Variants in NFU1 observed in about 807,000 individuals in gnomAD.
NFU1 encodes NFU1 iron-sulfur cluster scaffold homolog, mitochondrial.
NFU1 carries 30 observed loss-of-function variants against 32.2 expected under a neutral mutation model. That is an observed-to-expected ratio of 0.93 (90% CI 0.70 to 1.26). The LOEUF (loss-of-function observed/expected upper bound fraction) is 1.26. Ranked by LOEUF, NFU1 falls within the 50% of genes most tolerant of loss-of-function variation. The probability of loss-of-function intolerance (pLI) is 0.00; values close to 1 mark genes in which losing one functional copy is unlikely to be tolerated. For missense variants in NFU1, 306 were observed against 306.6 expected (o/e 1.00, Z 0.02); for synonymous variants, 112 against 104.6 (o/e 1.07, Z -0.43).
intron 1 of NFU1, among the ~76,000 whole-genome samples, chr2:69,432,414 A>C (rs1673668602): frequency 6.6e-6 from 1 of 152,126 alleles, no homozygotes; most frequent in African/African-American, 2.4e-5. Context: ...ATCTCTACTA[A>C]AAATACAAAA....
chr2:69,424,041 C>T lies in NFU1; in HGVS notation c.167-324G>A, dbSNP rs372768263. On this transcript the variant is annotated intron_variant, in intron 2 of 7. Coordinates refer to ENST00000410022, the MANE Select transcript of NFU1 (RefSeq NM_001002755.4). ...TACAAAAATTAGCCAGGCGTGGTGG[C>T]GGGTGCCTGTAATCCCAGCTACTTG... Among the ~76,000 whole-genome samples the T allele has an allele frequency of 7.3e-5, 11 of 151,010 alleles. No homozygotes were observed. The East Asian group carries it at 9.8e-4, about 13-fold the overall frequency.
intron 2 of NFU1, among the ~76,000 whole-genome samples, chr2:69,430,437 C>T (rs6723472): frequency 0.66 from 100,807 of 151,790 alleles, 34,630 homozygotes; most frequent in African/African-American, 0.85. Flanking sequence ...TGGTCTTGAA[C>T]TTCTTGGGCT....
intron 1 of NFU1, among the ~76,000 whole-genome samples, chr2:69,432,407 T>C (rs1373445446): frequency 1.3e-5 from 2 of 152,102 alleles, no homozygotes; most frequent in African/African-American, 4.8e-5. Flanking sequence ...AAACCCCATC[T>C]CTACTAAAAA....
chr2:69,411,199 T>A (rs1427817509), intron 5 of NFU1: 1 of 152,098 alleles, frequency 6.6e-6, no homozygotes, highest in Non-Finnish European at 1.5e-5. Context: ...CCCACAGTGA[T>A]TAAATATGTA....
At chr2:69,437,528 G>C (rs781627988), upstream of NFU1, 40 of 1,396,808 alleles carry the variant, frequency 2.9e-5, no homozygotes, top group Admixed American at 5.9e-5. Context: ...CCACCCTACC[G>C]GCTGCGGGCG....
At chr2:69,437,448 C>G, upstream of NFU1, 1 of 1,607,670 alleles carries the variant, frequency 6.2e-7, no homozygotes, top group Non-Finnish European at 8.5e-7. Flanking sequence ...CTAAGGGTCT[C>G]CCTGACAGAA....
Position 69,426,702 on chromosome 2 carries a change from C to T in NFU1, c.167-2985G>A, listed in dbSNP as rs963892274. Among the ~76,000 whole-genome samples, 4 of 152,164 alleles carry T rather than the reference C, an allele frequency of 2.6e-5. 1 individual carries two copies. Among genetic ancestry groups the T allele is most frequent in the African/African-American group, 7.2e-5 (3 of 41,432 alleles). On this transcript the variant is annotated intron_variant, in intron 2 of 7. Coordinates refer to ENST00000410022, the MANE Select transcript of NFU1 (RefSeq NM_001002755.4). ...TCCTACCTTGCTATTATGACAACAG[C>T]TTGCAGGACGAAAGGACGGCACTGG...
chr2:69,407,246 G>A (rs1672723977), intron 5 of NFU1, among the ~76,000 whole-genome samples: 1 of 152,018 alleles, frequency 6.6e-6, no homozygotes. Flanking sequence ...AGCCATGCCT[G>A]GCCTCTGAAA....
chr2:69,439,005 T>C (rs1472365600), upstream of NFU1, among the ~76,000 whole-genome samples: 1 of 151,382 alleles, frequency 6.6e-6, no homozygotes, highest in Non-Finnish European at 1.5e-5. Flanking sequence ...CTTGGAACAA[T>C]CGTTCTTCTC....
rs1444918295 is a variant in NFU1, at chr2:69,414,773, TG to T, written c.484+411del. Among the ~76,000 whole-genome samples, 8 of 151,922 alleles carry T rather than the reference TG, an allele frequency of 5.3e-5. No individual in the cohort carries two copies. In the South Asian group the frequency reaches 1.7e-3, roughly 32 times the overall value. ...GAAGGGAAAAGGGATGGGGGTACAGTGGTTTTAGCGGTTTCTTTTTTTTACT... is the reference window on the plus strand; with the variant it reads ...GAAGGGAAAAGGGATGGGGGTACAGTGTTTTAGCGGTTTCTTTTTTTTACT... On this transcript the variant is annotated intron_variant, in intron 5 of 7. Coordinates refer to ENST00000410022, the MANE Select transcript of NFU1 (RefSeq NM_001002755.4).
intron 2 of NFU1, among the ~76,000 whole-genome samples, chr2:69,424,805 C>A (rs1673397748): frequency 1.3e-5 from 2 of 151,158 alleles, no homozygotes; most frequent in Admixed American, 6.6e-5. Context: ...ATTTTAAAGA[C>A]AAAGTTAGCA....
intron 5 of NFU1, among the ~76,000 whole-genome samples, chr2:69,408,734 TTATATATATATATATATATATATATA>T (rs70954344): frequency 2.2e-5 from 3 of 136,434 alleles, no homozygotes; most frequent in Admixed American, 7.7e-5. Flanking sequence ...ATATAAAATT[TTATATATATATATATATATATATATA>T]TATATATATA....
intron 2 of NFU1, among the ~76,000 whole-genome samples, chr2:69,426,656 G>C (rs902830021): frequency 6.6e-6 from 1 of 152,156 alleles, no homozygotes; most frequent in African/African-American, 2.4e-5. Flanking sequence ...AAGCAATAAA[G>C]AGATAACACA....
At chr2:69,432,042 A>G (rs1673657072) in intron 1 of NFU1, 37 bp from the exon 2 acceptor site, 2 of 1,387,610 alleles carry the variant, frequency 1.4e-6, no homozygotes, top group East Asian at 4.6e-5. Context: ...ACATTTTAAG[A>G]GCTCTAATCT....
chr2:69,397,266 C>A (rs572524091), intron 7 of NFU1, among the ~76,000 whole-genome samples: 128 of 151,960 alleles, frequency 8.4e-4, no homozygotes, highest in African/African-American at 2.3e-3. Flanking sequence ...AACAAAAAAA[C>A]CCCACCATAT....
chr2:69,409,629 A>G (rs1672812208), intron 5 of NFU1, among the ~76,000 whole-genome samples: 1 of 152,182 alleles, frequency 6.6e-6, no homozygotes, highest in Admixed American at 6.5e-5. Flanking sequence ...GAGGACCTCA[A>G]GCTGCTTACC....
At chr2:69,436,163 T>C (rs1022700590) in intron 1 of NFU1, among the ~76,000 whole-genome samples, 13 of 152,230 alleles carry the variant, frequency 8.5e-5, no homozygotes, top group African/African-American at 2.7e-4. Flanking sequence ...TTCTAGCTGC[T>C]AGCACAATGG....
upstream of NFU1, chr2:69,437,614 C>T (rs1673903166): frequency 2.8e-6 from 2 of 702,180 alleles, no homozygotes; most frequent in Non-Finnish European, 5.0e-6. Flanking sequence ...CAAGAGAGGC[C>T]GGGGAACCTT....
upstream of NFU1, chr2:69,437,603 C>A: frequency 1.4e-6 from 1 of 734,462 alleles, no homozygotes; most frequent in Admixed American, 2.1e-5. Flanking sequence ...GTCACCCTGA[C>A]CAAGAGAGGC....
Sources: gnomAD v4.1 joint callset for allele counts (sites outside exome capture counted in the v4.1 genomes callset) on GRCh38, gnomAD v4.1.1 for gene constraint, MANE v1.5 for transcripts, NCBI Gene and HGNC (gene_info 2026-07-23, HGNC 2026-07-21) for gene names.